The following KIT variants were observed in gnomAD, a reference collection of about 807,000 sequenced individuals.
KIT encodes KIT proto-oncogene, receptor tyrosine kinase.
A neutral mutation model predicts 105.7 loss-of-function variants in KIT; 16 were observed. That is an observed-to-expected ratio of 0.15 (90% CI 0.10 to 0.23). The LOEUF is 0.23. Ranked by LOEUF, KIT falls within the 10% of genes least tolerant of loss-of-function variation. The pLI is 1.00. For synonymous variants in KIT, 438 were observed against 441.1 expected (o/e 0.99, Z 0.09); for missense variants, 858 against 1,213.8 (o/e 0.71, Z 4.36).
In KIT at chr4:54,673,639, C is replaced by T. The variant is rs561341038; in HGVS notation, c.67+15558C>T. On this transcript the variant is annotated intron_variant, in intron 1 of 20. Coordinates refer to ENST00000288135, the MANE Select transcript of KIT (RefSeq NM_000222.3). Reference sequence around the variant, plus strand: ...ATAGCTTTCCTTTGTGCCCTTCTGGCGTGATTTTATTGTTTACACGATGGA... The same window carrying T: ...ATAGCTTTCCTTTGTGCCCTTCTGGTGTGATTTTATTGTTTACACGATGGA... 3.3e-5 allele frequency among the ~76,000 whole-genome samples: 5 copies of T among 152,160 alleles called. No individual in the cohort carries two copies. The East Asian group carries it at 5.8e-4, about 18-fold the overall frequency.
At chr4:54,698,207 T>C in intron 2 of KIT, 77 bp from the exon 3 acceptor site, 1 of 1,433,682 alleles carries the variant, frequency 7.0e-7, no homozygotes, top group Non-Finnish European at 9.7e-7. Context: ...AAAGGCAACA[T>C]ATTAGATCTT....
intron 7 of KIT, among the ~76,000 whole-genome samples, chr4:54,714,709 G>A (rs1308632300): frequency 4.6e-5 from 7 of 152,064 alleles, no homozygotes; most frequent in African/African-American, 1.2e-4. Flanking sequence ...TTTCCAGGGC[G>A]GTATTATGCA....
intron 1 of KIT, among the ~76,000 whole-genome samples, chr4:54,665,795 C>A (rs746790344): frequency 6.6e-6 from 1 of 152,090 alleles, no homozygotes; most frequent in African/African-American, 2.4e-5. Context: ...GGAGGGAAGA[C>A]GTCAATGAAA....
chr4:54,701,105 G>C (rs1222950555), intron 4 of KIT, among the ~76,000 whole-genome samples: 2 of 152,162 alleles, frequency 1.3e-5, no homozygotes, highest in African/African-American at 4.8e-5. Context: ...AATTGCCCCA[G>C]GCAGTTTTGT....
chr4:54,735,385 A>G (rs999028124), intron 17 of KIT, among the ~76,000 whole-genome samples: 4 of 121,634 alleles, frequency 3.3e-5, no homozygotes, highest in African/African-American at 1.2e-4. Flanking sequence ...AAAAGAAAAA[A>G]AAAAAAAGCT....
chr4:54,726,066 A>G lies in KIT; in HGVS notation c.1540+16A>G. 1 of 1,603,148 alleles carries G rather than the reference A, an allele frequency of 6.2e-7. No individual in the cohort carries two copies. Among genetic ancestry groups the G allele is most frequent in the Non-Finnish European group, 8.5e-7 (1 of 1,170,176 alleles). On this transcript the variant is annotated intron_variant, in intron 9 of 20. Coordinates refer to ENST00000288135, the MANE Select transcript of KIT (RefSeq NM_000222.3). ...AACAACAAAGGTATATTTCTTTTTA[A>G]TCCAATTTAAGGGGATGTTTAGGCT...
chr4:54,708,866 G>A (rs1028550087), intron 6 of KIT, among the ~76,000 whole-genome samples: 5 of 152,114 alleles, frequency 3.3e-5, no homozygotes, highest in Non-Finnish European at 7.4e-5. Flanking sequence ...CCTATATGGC[G>A]GTCCTGCAAG....
chr4:54,670,173 T>C lies in KIT; in HGVS notation c.67+12092T>C, dbSNP rs137884541. 3.8e-3 allele frequency among the ~76,000 whole-genome samples: 586 copies of C among 152,320 alleles called. 4 individuals carry two copies. The highest frequency in any genetic ancestry group is 0.014 in the African/African-American group (569 of 41,572). On this transcript the variant is annotated intron_variant, in intron 1 of 20. Transcript: ENST00000288135. ...GTGCTTTAGTCTGCAGGTTTGGAAC[T>C]GTTTGTTCTGGAATGTGCCGGAATG...
intron 19 of KIT, among the ~76,000 whole-genome samples, 170 bp from the exon 20 acceptor site, chr4:54,737,005 A>G (rs989928464): frequency 2.6e-5 from 4 of 152,218 alleles, no homozygotes; most frequent in East Asian, 3.8e-4. Flanking sequence ...CCAAAAATAC[A>G]GAAAGTTTCA....
intron 1 of KIT, among the ~76,000 whole-genome samples, chr4:54,684,863 A>T (rs1004221936): frequency 6.6e-6 from 1 of 152,178 alleles, no homozygotes. Context: ...TAATGAGTGT[A>T]TGAGTTCTAT....
chr4:54,729,799 A>G (rs1006526868), intron 14 of KIT, among the ~76,000 whole-genome samples: 17 of 152,094 alleles, frequency 1.1e-4, no homozygotes, highest in African/African-American at 2.4e-4. Context: ...CATTTATACT[A>G]TTGAGCTTGG....
At chr4:54,685,270 C>T (rs1180189557) in intron 1 of KIT, among the ~76,000 whole-genome samples, 1 of 152,138 alleles carries the variant, frequency 6.6e-6, no homozygotes, top group Admixed American at 6.5e-5. Context: ...GGATATACCC[C>T]ACCTCCTGCC....
intron 17 of KIT, among the ~76,000 whole-genome samples, chr4:54,736,017 G>A (rs12643468): frequency 0.11 from 16,808 of 152,138 alleles, 1,013 homozygotes; most frequent in South Asian, 0.18. Context: ...TTGTAAGGAG[G>A]TTTTCCTGAA....
intron 1 of KIT, among the ~76,000 whole-genome samples, chr4:54,671,805 G>A (rs912970095): frequency 6.6e-6 from 1 of 152,068 alleles, no homozygotes; most frequent in African/African-American, 2.4e-5. Context: ...ATTTCAAATA[G>A]GATAGTGTAA....
At chr4:54,733,375 A>G (rs1030561715) in intron 17 of KIT, 183 bp downstream of exon 17, 6 of 578,688 alleles carry the variant, frequency 1.0e-5, no homozygotes, top group Non-Finnish European at 1.9e-5. Flanking sequence ...TACAACTAAC[A>G]TTCAATAATA....
intron 2 of KIT, 116 bp downstream of exon 2, chr4:54,695,897 A>G: frequency 8.1e-7 from 1 of 1,235,512 alleles, no homozygotes; most frequent in Non-Finnish European, 1.2e-6. Flanking sequence ...CTGGGTCTAG[A>G]AGGCCTAAAA....
chr4:54,666,868 A>T (rs1032366261), intron 1 of KIT, among the ~76,000 whole-genome samples: 2 of 152,212 alleles, frequency 1.3e-5, no homozygotes, highest in Non-Finnish European at 2.9e-5. Context: ...ATCCACTACT[A>T]TAGTCACAAT....
intron 1 of KIT, among the ~76,000 whole-genome samples, chr4:54,680,656 G>A (rs1436521784): frequency 6.6e-6 from 1 of 152,072 alleles, no homozygotes. Context: ...GCCTCCCAAA[G>A]TGCTGGGATT....
chr4:54,687,453 A>T (rs77764874), intron 1 of KIT, among the ~76,000 whole-genome samples: 1 of 151,918 alleles, frequency 6.6e-6, no homozygotes, highest in African/African-American at 2.4e-5. Context: ...AAAAAAAAAT[A>T]AAAAAAAGAC....
Sources: gnomAD v4.1 joint callset for allele counts (sites outside exome capture counted in the v4.1 genomes callset) on GRCh38, gnomAD v4.1.1 for gene constraint, MANE v1.5 for transcripts, NCBI Gene and HGNC (gene_info 2026-07-23, HGNC 2026-07-21) for gene names.